PNISR: variants seen among roughly 807,000 people sequenced by gnomAD.
PNISR encodes PNN interacting serine and arginine rich protein.
Under a neutral mutation model 93.4 loss-of-function variants are expected in PNISR, and 20 were observed. That is an observed-to-expected ratio of 0.21 (90% CI 0.15 to 0.31). The LOEUF is 0.31. Among genes scored for constraint, PNISR ranks in the 10% least tolerant of loss-of-function variants. PNISR has a pLI of 1.00. For missense variants in PNISR, 893 were observed against 985.4 expected (o/e 0.91, Z 1.25); for synonymous variants, 305 against 306.5 (o/e 0.99, Z 0.05).
intron 1 of PNISR, among the ~76,000 whole-genome samples, chr6:99,417,669 A>T (rs932149151): frequency 3.3e-5 from 5 of 151,818 alleles, no homozygotes; most frequent in Non-Finnish European, 7.4e-5. Context: ...AGGGGGTTTT[A>T]AAAAAAAGGT....
At chr6:99,412,473 A>C in intron 4 of PNISR, 78 bp downstream of exon 4, 1 of 1,001,060 alleles carries the variant, frequency 1.0e-6, no homozygotes. Context: ...CATACAACTA[A>C]GCAAATTAAA....
rs1405114621 is a variant in PNISR, at chr6:99,399,476, G to A, written c.*1064C>T. 6.6e-6 allele frequency: 1 copy of A among 152,062 alleles called. No individual in the cohort carries two copies. The highest frequency in any genetic ancestry group is 2.1e-4 in the South Asian group (1 of 4,820). The allele number at this position is 152,062 out of a possible 1,614,324, so 9.4% of individuals were successfully genotyped here. ...AATATAAATAAATATATTGAATCATGAGTCTTATTTCTATAACCCCAAAAA... is the reference window on the plus strand; with the variant it reads ...AATATAAATAAATATATTGAATCATAAGTCTTATTTCTATAACCCCAAAAA... On this transcript the variant is annotated 3_prime_UTR_variant, in exon 12 of 12. Transcript: ENST00000369239.
intron 1 of PNISR, among the ~76,000 whole-genome samples, chr6:99,422,153 A>AC (rs1231027657): frequency 5.3e-5 from 8 of 152,218 alleles, no homozygotes; most frequent in South Asian, 4.2e-4. Flanking sequence ...GGCATGAGCC[A>AC]CCCCGTGTGG....
At chr6:99,414,976 A>G (rs1777484872) in intron 2 of PNISR, 1 of 167,822 alleles carries the variant, frequency 6.0e-6, no homozygotes, top group African/African-American at 2.4e-5. Context: ...CTGGATATGT[A>G]ATTATTTTGA....
At chr6:99,412,439 TAAG>T in intron 4 of PNISR, 109 bp downstream of exon 4, 1 of 783,292 alleles carries the variant, frequency 1.3e-6, no homozygotes, top group Non-Finnish European at 2.2e-6. Context: ...GCCTATTCTT[TAAG>T]AAGCATTAAT....
At position 99,410,956 on chromosome 6, in the gene PNISR, T is replaced by C. The variant is rs370230943; in HGVS notation, c.286A>G (p.Met96Val). ...GGGGGGTGTGGGGGTTGCTGATGCA[T>C]TCCCCATTCTATTTAAGATTTAGGC... ...FNRMWQPEWG[M>V]HQQPPHPPPD... The change falls in exon 5 of 12, where the codon ATG becomes GTG. Residue 96 changes from methionine (M) to valine (V), a missense_variant. Physicochemically the swap from Met to Val is conservative, Grantham distance 21. Transcript: ENST00000369239. 6 of 1,608,722 alleles carry C rather than the reference T, an allele frequency of 3.7e-6. No homozygotes were observed. The highest frequency in any genetic ancestry group is 5.1e-6 in the Non-Finnish European group (6 of 1,175,206).
chr6:99,424,855 AG>A (rs1400382965), intron 1 of PNISR: 2 of 190,700 alleles, frequency 1.0e-5, no homozygotes, highest in African/African-American at 4.7e-5. Context: ...CCAGGTCGCG[AG>A]CCCCCGCCTC....
intron 6 of PNISR, 52 bp downstream of exon 6, chr6:99,409,121 T>C (rs1776520419): frequency 7.3e-7 from 1 of 1,373,542 alleles, no homozygotes; most frequent in African/African-American, 1.4e-5. Flanking sequence ...CCTTTTTATA[T>C]GATAAAAAAG....
At chr6:99,418,377 C>G (rs1778016316) in intron 1 of PNISR, among the ~76,000 whole-genome samples, 1 of 151,606 alleles carries the variant, frequency 6.6e-6, no homozygotes, top group Non-Finnish European at 1.5e-5. Context: ...CCCAAATGAT[C>G]TACCCACCTC....
intron 1 of PNISR, among the ~76,000 whole-genome samples, chr6:99,422,952 T>C (rs1582864870): frequency 7.8e-6 from 1 of 128,752 alleles, no homozygotes; most frequent in Non-Finnish European, 1.7e-5. Flanking sequence ...AATTTAAAAA[T>C]AAATGTAGCG....
intron 1 of PNISR, among the ~76,000 whole-genome samples, chr6:99,423,177 AG>A (rs1385631405): frequency 6.6e-6 from 1 of 152,188 alleles, no homozygotes; most frequent in African/African-American, 2.4e-5. Flanking sequence ...AACATGTCAA[AG>A]GAGAACAGTA....
At chr6:99,423,900 A>G (rs1444018514) in intron 1 of PNISR, among the ~76,000 whole-genome samples, 3 of 152,112 alleles carry the variant, frequency 2.0e-5, no homozygotes, top group African/African-American at 4.8e-5. Context: ...TCTTCTCCCT[A>G]TGTCTTCACA....
chr6:99,420,074 A>C (rs1778341136), intron 1 of PNISR, among the ~76,000 whole-genome samples: 1 of 152,114 alleles, frequency 6.6e-6, no homozygotes, highest in Non-Finnish European at 1.5e-5. Context: ...TAGTGGAGAC[A>C]GGGTTTCACC....
At chr6:99,414,105 G>T in intron 3 of PNISR, among the ~76,000 whole-genome samples, 1 of 152,114 alleles carries the variant, frequency 6.6e-6, no homozygotes. Flanking sequence ...AACAAAATTG[G>T]CCACTAGTTA....
chr6:99,400,764 T>C lies in PNISR; in HGVS notation c.2194A>G (p.Ile732Val), dbSNP rs376502199. 1.2e-5 allele frequency: 19 copies of C among 1,610,374 alleles called. No individual in the cohort carries two copies. Among genetic ancestry groups the C allele is most frequent in the Middle Eastern group, 1.6e-4 (1 of 6,070 alleles). The change falls in exon 12 of 12, where the codon ATA becomes GTA. Residue 732 changes from isoleucine to valine, a missense_variant. Coordinates refer to ENST00000369239, the MANE Select transcript of PNISR (RefSeq NM_032870.4). Reference protein sequence around the residue: ...SRSGSISVKIIRHDSRQDSKK... With the variant: ...SRSGSISVKIVRHDSRQDSKK... ...CTATCCTGTCTAGAATCATGTCTTA[T>C]GATTTTAACAGATATAGAACCACTC...
chr6:99,414,796 A>G, intron 2 of PNISR, 106 bp from the exon 3 acceptor site: 1 of 512,622 alleles, frequency 2.0e-6, no homozygotes, highest in Non-Finnish European at 3.3e-6. Context: ...TCAGAGGTCT[A>G]AAATTCTTGT....
At chr6:99,406,498 G>T (rs1036178748) in intron 7 of PNISR, among the ~76,000 whole-genome samples, 4 of 151,772 alleles carry the variant, frequency 2.6e-5, no homozygotes, top group South Asian at 2.1e-4. Flanking sequence ...ACATATAATG[G>T]GCCTGAAATG....
At chr6:99,412,365 C>CTT (rs1272934883) in intron 4 of PNISR, 186 bp downstream of exon 4, 2 of 692,634 alleles carry the variant, frequency 2.9e-6, no homozygotes, top group East Asian at 5.5e-5. Context: ...TGCCACAAAG[C>CTT]TAGCAGAATG....
intron 1 of PNISR, among the ~76,000 whole-genome samples, chr6:99,423,156 A>G (rs1319682888): frequency 6.6e-6 from 1 of 152,174 alleles, no homozygotes; most frequent in Non-Finnish European, 1.5e-5. Context: ...AAAAAAAAAA[A>G]AATTGATAGG....
Sources: allele counts gnomAD v4.1 joint callset (sites outside exome capture counted in the v4.1 genomes callset), GRCh38; gene constraint gnomAD v4.1.1; transcripts MANE v1.5; gene names NCBI Gene and HGNC (gene_info 2026-07-23, HGNC 2026-07-21).